The following FTO variants were observed in gnomAD, a reference collection of about 807,000 sequenced individuals.
FTO encodes the protein FTO alpha-ketoglutarate dependent dioxygenase.
FTO carries 47 observed loss-of-function variants against 63.9 expected under a neutral mutation model. The observed-to-expected ratio is 0.74, with a 90% confidence interval of 0.58 to 0.94. The LOEUF (loss-of-function observed/expected upper bound fraction) is 0.94, where lower values mean the gene tolerates loss of function less well. FTO is among the 40% of genes least tolerant of loss of function. The pLI is 0.00. For synonymous variants in FTO, 207 were observed against 224.4 expected, an observed-to-expected ratio of 0.92 and a Z score of 0.69; for missense variants, 562 against 618.1, an observed-to-expected ratio of 0.91 and a Z score of 0.96.
chr16:54,034,850 A>G (rs1256417900), intron 8 of FTO, among the ~76,000 whole-genome samples: 1 of 152,244 alleles, frequency 6.6e-6, no homozygotes, highest in Non-Finnish European at 1.5e-5. Flanking sequence ...AACTACTTAT[A>G]TGAGGTTCTC....
At chr16:53,876,979 G>A (rs1398795227) in intron 5 of FTO, among the ~76,000 whole-genome samples, 2 of 152,172 alleles carry the variant, frequency 1.3e-5, no homozygotes, top group African/African-American at 4.8e-5. Context: ...AATGAAAAAT[G>A]CTGAACGTCA....
At chr16:53,958,734 C>T (rs1189035914) in intron 8 of FTO, among the ~76,000 whole-genome samples, 1 of 152,200 alleles carries the variant, frequency 6.6e-6, no homozygotes, top group Non-Finnish European at 1.5e-5. Flanking sequence ...AGTGAATTGT[C>T]TCATTTCTCT....
intron 6 of FTO, among the ~76,000 whole-genome samples, chr16:53,887,223 C>T (rs1403272285): frequency 1.3e-5 from 2 of 152,138 alleles, no homozygotes; most frequent in African/African-American, 2.4e-5. Context: ...TTGCAGCTAC[C>T]CCTACTATGT....
Position 54,121,918 on chromosome 16 carries a change from TTAAAAA to T in FTO, c.*10010_*10015del, listed in dbSNP as rs2087009451. 1 of 152,098 alleles carries T rather than the reference TTAAAAA, an allele frequency of 6.6e-6. No individual in the cohort carries two copies. Among genetic ancestry groups the T allele is most frequent in the Admixed American group, 6.6e-5 (1 of 15,266 alleles). 9.4% of individuals were successfully genotyped at this position (152,098 alleles called of 1,614,324 possible). A position where few individuals can be genotyped will look rare whatever the true frequency, so the allele number is the denominator to read the frequency against. ...TACGCCTCCTATGTACCCACAAAAA[TTAAAAA>T]TAAAAAAATTGAAATCACTCATTTA... On this transcript the variant is annotated 3_prime_UTR_variant, in exon 9 of 9. Transcript: ENST00000471389.
chr16:54,060,006 C>T lies in FTO; in HGVS notation c.1365-51756C>T, dbSNP rs139381678. 5.5e-4 allele frequency among the ~76,000 whole-genome samples: 84 copies of T among 152,114 alleles called. No homozygotes were observed. In the East Asian group the frequency reaches 8.3e-3, roughly 15 times the overall value. On this transcript the variant is annotated intron_variant, in intron 8 of 8. Coordinates refer to ENST00000471389, the MANE Select transcript of FTO (RefSeq NM_001080432.3). ...TGCATTTTGACATTCTGTGTGCAGTCAACTTATCTTTTATTCAAAGGCTCC... is the reference window on the plus strand; with the variant it reads ...TGCATTTTGACATTCTGTGTGCAGTTAACTTATCTTTTATTCAAAGGCTCC...
At chr16:53,978,975 G>A (rs1310138373) in intron 8 of FTO, among the ~76,000 whole-genome samples, 1 of 152,040 alleles carries the variant, frequency 6.6e-6, no homozygotes, top group African/African-American at 2.4e-5. Flanking sequence ...CTCCGGCCTG[G>A]GAGGTAGAGC....
At chr16:54,025,751 G>A (rs543679274) in intron 8 of FTO, among the ~76,000 whole-genome samples, 4 of 148,288 alleles carry the variant, frequency 2.7e-5, no homozygotes, top group Non-Finnish European at 4.5e-5. Context: ...GGTGGCTCGC[G>A]CCTGTAATCC....
intron 8 of FTO, among the ~76,000 whole-genome samples, chr16:53,977,638 C>T (rs2059128882): frequency 2.0e-5 from 3 of 152,256 alleles, no homozygotes; most frequent in East Asian, 3.9e-4. Flanking sequence ...TTTACTCTTT[C>T]AACTTTTTTG....
chr16:54,013,697 GC>G lies in FTO; in HGVS notation c.1364+79589del, dbSNP rs1444444942. Among the ~76,000 whole-genome samples, 4 of 152,296 alleles carry G rather than the reference GC, an allele frequency of 2.6e-5. No individual in the cohort carries two copies. The East Asian group carries it at 7.7e-4, about 29-fold the overall frequency. On this transcript the variant is annotated intron_variant, in intron 8 of 8. Coordinates refer to ENST00000471389, the MANE Select transcript of FTO (RefSeq NM_001080432.3). Reference sequence around the variant, plus strand: ...TGTTAAGGCAAAACAATTGTGACTTGCTAAAGGCTCAGATAATTGTTAGCAT... The same window carrying G: ...TGTTAAGGCAAAACAATTGTGACTTGTAAAGGCTCAGATAATTGTTAGCAT...
At chr16:53,848,573 C>A (rs1419922484) in intron 4 of FTO, among the ~76,000 whole-genome samples, 1 of 152,110 alleles carries the variant, frequency 6.6e-6, no homozygotes, top group East Asian at 1.9e-4. Context: ...ATTTTCCAAC[C>A]AGGACTTCAA....
intron 8 of FTO, among the ~76,000 whole-genome samples, chr16:53,960,700 A>G (rs1159792643): frequency 6.7e-6 from 1 of 150,070 alleles, no homozygotes; most frequent in Admixed American, 6.6e-5. Flanking sequence ...AATGGGTTCA[A>G]TTACCAGAAA....
rs554373315 is a variant in FTO, at chr16:54,060,390, ACT to A, written c.1365-51367_1365-51366del. ...GATAGCTCATATTGGTGTAATGTTA[ACT>A]CTCTGCCAAGAATCATGGTAATCTC... is the stretch of plus-strand genomic sequence containing the variant. On this transcript the variant is annotated intron_variant, in intron 8 of 8. Transcript: ENST00000471389. Among the ~76,000 whole-genome samples the A allele has an allele frequency of 3.0e-4, 45 of 152,208 alleles. No homozygotes were observed. The South Asian group carries it at 8.5e-3, about 29-fold the overall frequency.
chr16:54,091,078 A>T (rs2086372789), intron 8 of FTO, among the ~76,000 whole-genome samples: 1 of 152,126 alleles, frequency 6.6e-6, no homozygotes, highest in African/African-American at 2.4e-5. Flanking sequence ...CAAGTCACAG[A>T]AAGGGCCAGT....
intron 1 of FTO, among the ~76,000 whole-genome samples, chr16:53,716,394 A>G (rs757488441): frequency 1.3e-5 from 2 of 152,102 alleles, no homozygotes; most frequent in Non-Finnish European, 2.9e-5. Context: ...ATAGTTTATG[A>G]GGAGAAACTG....
intron 8 of FTO, chr16:53,993,541 G>C (rs1420222505): frequency 6.6e-6 from 1 of 152,192 alleles, no homozygotes; most frequent in Non-Finnish European, 1.5e-5. Context: ...TATTATTAAT[G>C]GATTTGGGGA....
chr16:53,751,383 G>A (rs955397310), intron 1 of FTO, among the ~76,000 whole-genome samples: 2 of 152,112 alleles, frequency 1.3e-5, no homozygotes, highest in Admixed American at 6.5e-5. Context: ...GCATGAACCC[G>A]GGAGGCGAAG....
At chr16:53,905,176 G>A (rs2081505981) in intron 7 of FTO, among the ~76,000 whole-genome samples, 1 of 152,020 alleles carries the variant, frequency 6.6e-6, no homozygotes, top group Admixed American at 6.6e-5. Flanking sequence ...AGCATCTGTT[G>A]CTGGCTGTAT....
intron 8 of FTO, among the ~76,000 whole-genome samples, chr16:54,077,670 T>G (rs1426478644): frequency 6.6e-6 from 1 of 152,046 alleles, no homozygotes; most frequent in Non-Finnish European, 1.5e-5. Context: ...GGCAGGCAAG[T>G]GTTCATGTTC....
chr16:53,834,128 C>T (rs2079220245), intron 3 of FTO, among the ~76,000 whole-genome samples: 1 of 151,994 alleles, frequency 6.6e-6, no homozygotes, highest in South Asian at 2.1e-4. Context: ...AGGTTCACGC[C>T]ATTCTCCTGT....
Sources: gnomAD v4.1 joint callset for allele counts (sites outside exome capture counted in the v4.1 genomes callset) on GRCh38, gnomAD v4.1.1 for gene constraint, MANE v1.5 for transcripts, NCBI Gene and HGNC (gene_info 2026-07-23, HGNC 2026-07-21) for gene names.